ZBTB20: variants seen among roughly 807,000 people sequenced by gnomAD.
ZBTB20 encodes zinc finger and BTB domain containing 20.
A neutral mutation model predicts 56.9 loss-of-function variants in ZBTB20; 9 were observed. That is an observed-to-expected ratio of 0.16 (90% CI 0.10 to 0.28). The LOEUF is 0.28. Among genes scored for constraint, ZBTB20 ranks in the 10% least tolerant of loss-of-function variants. The pLI is 1.00. For missense variants in ZBTB20, 655 were observed against 1,003.0 expected, an observed-to-expected ratio of 0.65 and a Z score of 4.69; for synonymous variants, 417 against 420.7, an observed-to-expected ratio of 0.99 and a Z score of 0.11.
chr3:114,575,751 C>T (rs910218944), intron 6 of ZBTB20, among the ~76,000 whole-genome samples: 4 of 151,972 alleles, frequency 2.6e-5, no homozygotes, highest in Non-Finnish European at 5.9e-5. Context: ...GAAAACTTAA[C>T]GGTAGTCACT....
chr3:114,381,104 G>A (rs2084279951), intron 8 of ZBTB20, among the ~76,000 whole-genome samples, 164 bp from the exon 9 acceptor site: 1 of 152,180 alleles, frequency 6.6e-6, no homozygotes, highest in Non-Finnish European at 1.5e-5. Context: ...CTGTACGGAT[G>A]AGGGGGTAGT....
chr3:114,810,269 G>C (rs1045296693), intron 4 of ZBTB20, among the ~76,000 whole-genome samples: 5 of 152,198 alleles, frequency 3.3e-5, no homozygotes, highest in Non-Finnish European at 7.3e-5. Context: ...AGTTCACTAT[G>C]ATAGTATCCT....
intron 4 of ZBTB20, among the ~76,000 whole-genome samples, chr3:114,888,826 A>G (rs952986003): frequency 3.3e-5 from 5 of 152,132 alleles, no homozygotes; most frequent in Non-Finnish European, 5.9e-5. Flanking sequence ...TGCTACACAA[A>G]TTTAAGCCAT....
intron 5 of ZBTB20, among the ~76,000 whole-genome samples, chr3:114,755,572 T>C (rs1219640761): frequency 6.6e-6 from 1 of 152,190 alleles, no homozygotes; most frequent in African/African-American, 2.4e-5. Flanking sequence ...TATGTATTTA[T>C]TTACATGAAA....
At chr3:115,116,295 C>G (rs1190125452) in intron 1 of ZBTB20, among the ~76,000 whole-genome samples, 2 of 152,136 alleles carry the variant, frequency 1.3e-5, no homozygotes, top group African/African-American at 4.8e-5. Flanking sequence ...CTGCTGGTAA[C>G]TTTAACTTCT....
intron 1 of ZBTB20, among the ~76,000 whole-genome samples, chr3:115,127,677 C>A (rs1019618670): frequency 2.0e-5 from 3 of 152,056 alleles, no homozygotes; most frequent in African/African-American, 7.2e-5. Context: ...GACTGAGCAT[C>A]AGTGATTCAA....
chr3:114,967,030 A>T (rs1009470903), intron 3 of ZBTB20, among the ~76,000 whole-genome samples: 27 of 152,298 alleles, frequency 1.8e-4, no homozygotes, highest in African/African-American at 6.3e-4. Flanking sequence ...TTTAACCTAG[A>T]GAATAATTTG....
At chr3:115,089,432 G>T (rs1005850148) in intron 1 of ZBTB20, among the ~76,000 whole-genome samples, 1 of 151,694 alleles carries the variant, frequency 6.6e-6, no homozygotes, top group African/African-American at 2.4e-5. Flanking sequence ...TGACCATTGA[G>T]AACCCATGAA....
intron 7 of ZBTB20, among the ~76,000 whole-genome samples, chr3:114,420,819 A>T (rs2089091192): frequency 6.6e-6 from 1 of 152,058 alleles, no homozygotes; most frequent in East Asian, 1.9e-4. Flanking sequence ...TCACTATTAG[A>T]CTCTATAACT....
At chr3:114,908,033 G>A (rs2075386793) in intron 3 of ZBTB20, among the ~76,000 whole-genome samples, 2 of 151,900 alleles carry the variant, frequency 1.3e-5, no homozygotes. Context: ...AGACCCAAAA[G>A]AAATGAAGGA....
In ZBTB20 at chr3:114,626,541, T is replaced by A. The variant is rs1161832885; in HGVS notation, c.-295+66987A>T. Among the ~76,000 whole-genome samples the A allele has an allele frequency of 3.9e-5, 6 of 152,286 alleles. No homozygotes were observed. In the East Asian group the frequency reaches 1.2e-3, roughly 29 times the overall value. ...GATTGAGAGGAATCAATATGAAGACTCTAGTAAAATCAGTTGAGTAACACT... is the reference window on the plus strand; with the variant it reads ...GATTGAGAGGAATCAATATGAAGACACTAGTAAAATCAGTTGAGTAACACT... On this transcript the variant is annotated intron_variant, in intron 6 of 11. Transcript: ENST00000675478.
Position 114,318,344 on chromosome 3 carries a change from CT to C in ZBTB20, c.*20660del, listed in dbSNP as rs2078768087. On this transcript the variant is annotated 3_prime_UTR_variant, in exon 12 of 12. Transcript: ENST00000675478. ...TTCCCTCCTTTGGGTCCCTGCCCCC[CT>C]GCTCCCATCCATGGAATGTGGGCTG... is the stretch of plus-strand genomic sequence containing the variant. 1 of 152,350 alleles carries C rather than the reference CT, an allele frequency of 6.6e-6. No homozygotes were observed. Among genetic ancestry groups the C allele is most frequent in the Non-Finnish European group, 1.5e-5 (1 of 68,164 alleles). 9.4% of individuals were successfully genotyped at this position (152,350 alleles called of 1,614,324 possible). A position where few individuals can be genotyped will look rare whatever the true frequency, so the allele number is the denominator to read the frequency against.
At chr3:114,755,385 C>G (rs1322878575) in intron 5 of ZBTB20, among the ~76,000 whole-genome samples, 1 of 152,068 alleles carries the variant, frequency 6.6e-6, no homozygotes, top group Non-Finnish European at 1.5e-5. Flanking sequence ...TTTAAAACTT[C>G]AAAGAGACTG....
intron 7 of ZBTB20, among the ~76,000 whole-genome samples, chr3:114,480,833 T>TA (rs1313616030): frequency 6.6e-6 from 1 of 151,976 alleles, no homozygotes; most frequent in African/African-American, 2.4e-5. Context: ...TTTTTTTTTT[T>TA]AAACAGTTCA....
intron 2 of ZBTB20, among the ~76,000 whole-genome samples, chr3:115,057,512 T>C (rs911438770): frequency 2.6e-5 from 4 of 152,166 alleles, no homozygotes; most frequent in Non-Finnish European, 4.4e-5. Context: ...ATGTCAAACA[T>C]CTTACTACTA....
At chr3:114,940,116 T>G (rs1324540554) in intron 3 of ZBTB20, among the ~76,000 whole-genome samples, 2 of 146,054 alleles carry the variant, frequency 1.4e-5, no homozygotes, top group Admixed American at 1.3e-4. Context: ...GATTAAACAG[T>G]TTGAGAGTCA....
intron 4 of ZBTB20, among the ~76,000 whole-genome samples, chr3:114,816,895 T>G (rs1316780270): frequency 6.6e-6 from 1 of 152,170 alleles, no homozygotes; most frequent in African/African-American, 2.4e-5. Context: ...TGAGACAAAT[T>G]ATCACTGATA....
chr3:114,468,994 A>C (rs1316719962), intron 7 of ZBTB20, among the ~76,000 whole-genome samples: 1 of 136,518 alleles, frequency 7.3e-6, no homozygotes. Flanking sequence ...TCAGATCTCC[A>C]ATTTTTCAAG....
chr3:114,410,999 T>C (rs2087893093), intron 7 of ZBTB20, among the ~76,000 whole-genome samples: 1 of 152,150 alleles, frequency 6.6e-6, no homozygotes, highest in South Asian at 2.1e-4. Context: ...TTAGTTTGGA[T>C]GATAACAAGC....
Sources: allele counts gnomAD v4.1 joint callset (sites outside exome capture counted in the v4.1 genomes callset), GRCh38; gene constraint gnomAD v4.1.1; transcripts MANE v1.5; gene names NCBI Gene and HGNC (gene_info 2026-07-23, HGNC 2026-07-21).